Variants in ERBB4 observed in about 807,000 individuals in gnomAD.
The protein encoded by ERBB4 is receptor tyrosine-protein kinase erbB-4.
ERBB4 carries 42 observed loss-of-function variants against 158.0 expected under a neutral mutation model. The ratio of observed to expected loss-of-function variants is 0.27; its 90% confidence interval spans 0.21 to 0.34. The LOEUF (loss-of-function observed/expected upper bound fraction) is 0.34. Ranked by LOEUF, ERBB4 falls within the 10% of genes least tolerant of loss-of-function variation. The probability of loss-of-function intolerance (pLI) is 1.00; values close to 1 mark genes in which losing one functional copy is unlikely to be tolerated. For synonymous variants in ERBB4, 583 were observed against 558.7 expected, an observed-to-expected ratio of 1.04 and a Z score of -0.61; for missense variants, 1,333 against 1,624.1, an observed-to-expected ratio of 0.82 and a Z score of 3.08.
At chr2:211,936,592 G>GAA in intron 3 of ERBB4, among the ~76,000 whole-genome samples, 1 of 152,176 alleles carries the variant, frequency 6.6e-6, no homozygotes, top group Non-Finnish European at 1.5e-5. Context: ...TAGTAAGAGA[G>GAA]CTAGAATAAC....
chr2:211,622,693 T>C, intron 18 of ERBB4, among the ~76,000 whole-genome samples: 1 of 151,682 alleles, frequency 6.6e-6, no homozygotes, highest in Non-Finnish European at 1.5e-5. Context: ...CAGCCGGGCA[T>C]GGTGGCTCAT....
At chr2:211,442,039 C>T (rs1346223037) in intron 20 of ERBB4, among the ~76,000 whole-genome samples, 5 of 152,064 alleles carry the variant, frequency 3.3e-5, no homozygotes, top group African/African-American at 9.7e-5. Flanking sequence ...CACTGAACCA[C>T]GTTTTCACTC....
At chr2:211,909,913 T>G (rs6731736) in intron 3 of ERBB4, among the ~76,000 whole-genome samples, 5,957 of 151,848 alleles carry the variant, frequency 0.039, 225 homozygotes, top group African/African-American at 0.072. Flanking sequence ...TTAAGTTTAA[T>G]AAATTTTTGT....
chr2:211,673,445 C>A (rs925810941), intron 13 of ERBB4, among the ~76,000 whole-genome samples, 188 bp from the exon 14 acceptor site: 1 of 143,982 alleles, frequency 6.9e-6, no homozygotes, highest in Non-Finnish European at 1.5e-5. Context: ...ATGGCTCTCC[C>A]TGTCCTCCAT....
chr2:211,950,803 T>C (rs1223979025), intron 2 of ERBB4, among the ~76,000 whole-genome samples: 1 of 152,096 alleles, frequency 6.6e-6, no homozygotes. Context: ...AGCAGTGATA[T>C]GCATTGTTCG....
chr2:211,387,906 A>T (rs1261568471), intron 26 of ERBB4, 39 bp downstream of exon 26: 1 of 1,526,330 alleles, frequency 6.6e-7, no homozygotes, highest in Admixed American at 1.7e-5. Context: ...GCAAAGACCG[A>T]AAATCCTAAA....
chr2:211,493,010 G>C (rs2065382298), intron 20 of ERBB4, among the ~76,000 whole-genome samples: 1 of 152,082 alleles, frequency 6.6e-6, no homozygotes, highest in Admixed American at 6.6e-5. Flanking sequence ...TGGCACTCAG[G>C]TTTTATATGT....
intron 1 of ERBB4, among the ~76,000 whole-genome samples, chr2:212,171,850 C>T (rs1332868992): frequency 6.6e-6 from 1 of 152,048 alleles, no homozygotes; most frequent in East Asian, 1.9e-4. Flanking sequence ...CTTTATAGCA[C>T]TGTGAAAACA....
chr2:211,420,347 C>T, intron 25 of ERBB4, 94 bp downstream of exon 25: 4 of 877,270 alleles, frequency 4.6e-6, no homozygotes, highest in Non-Finnish European at 3.7e-6. Context: ...TTGATTTGAG[C>T]TATATAATTA....
At chr2:212,505,431 A>AG in intron 1 of ERBB4, among the ~76,000 whole-genome samples, 1 of 124,222 alleles carries the variant, frequency 8.1e-6, no homozygotes, top group Non-Finnish European at 2.0e-5. Context: ...AGTATTAAAC[A>AG]TCAAGTGAGG....
At chr2:211,957,304 C>A (rs2081061100) in intron 2 of ERBB4, among the ~76,000 whole-genome samples, 1 of 152,078 alleles carries the variant, frequency 6.6e-6, no homozygotes, top group Middle Eastern at 3.4e-3. Flanking sequence ...ACAGACATGA[C>A]AAGAAAAAAG....
Position 211,377,426 on chromosome 2 carries a change from T to C in ERBB4, c.*6189A>G, listed in dbSNP as rs765086744. 1.0e-4 allele frequency: 24 copies of C among 232,880 alleles called. No individual in the cohort carries two copies. Among genetic ancestry groups the C allele is most frequent in the Non-Finnish European group, 1.7e-4 (20 of 117,668 alleles). The allele number at this position is 232,880 out of a possible 1,614,324, so 14.4% of individuals were successfully genotyped here. A position where few individuals can be genotyped will look rare whatever the true frequency, so the allele number is the denominator to read the frequency against. Reference sequence around the variant, plus strand: ...ACAAATATAACCACTTCTCATGATATAGGGAAAGCTCACTAGAGCATGAAA... The same window carrying C: ...ACAAATATAACCACTTCTCATGATACAGGGAAAGCTCACTAGAGCATGAAA... On this transcript the variant is annotated 3_prime_UTR_variant, in exon 28 of 28. Coordinates refer to ENST00000342788, the MANE Select transcript of ERBB4 (RefSeq NM_005235.3).
At chr2:212,213,593 T>G (rs2083003381) in intron 1 of ERBB4, among the ~76,000 whole-genome samples, 1 of 151,902 alleles carries the variant, frequency 6.6e-6, no homozygotes, top group Non-Finnish European at 1.5e-5. Flanking sequence ...AATATTTACG[T>G]TTCCCTATGT....
At chr2:211,755,467 A>C (rs1201002015) in intron 4 of ERBB4, among the ~76,000 whole-genome samples, 2 of 152,184 alleles carry the variant, frequency 1.3e-5, no homozygotes, top group African/African-American at 4.8e-5. Context: ...GCTCCACTGC[A>C]CTCCAGCCTG....
intron 1 of ERBB4, among the ~76,000 whole-genome samples, chr2:212,191,553 C>T (rs905676048): frequency 7.7e-6 from 1 of 130,574 alleles, no homozygotes; most frequent in African/African-American, 2.8e-5. Context: ...ATGTGTTATG[C>T]CTGTTATATA....
At chr2:211,726,541 T>C (rs1172028374) in intron 5 of ERBB4, among the ~76,000 whole-genome samples, 1 of 152,222 alleles carries the variant, frequency 6.6e-6, no homozygotes, top group Non-Finnish European at 1.5e-5. Context: ...ATGTATTTTC[T>C]GTCTCCTATC....
intron 3 of ERBB4, among the ~76,000 whole-genome samples, chr2:211,922,559 C>T (rs1223972572): frequency 1.3e-5 from 2 of 151,778 alleles, no homozygotes; most frequent in African/African-American, 2.4e-5. Context: ...GAACAAGGGT[C>T]CCAACCTTTA....
chr2:211,914,929 T>G (rs1559091100), intron 3 of ERBB4, among the ~76,000 whole-genome samples: 1 of 152,138 alleles, frequency 6.6e-6, no homozygotes, highest in South Asian at 2.1e-4. Flanking sequence ...AATATGTACT[T>G]GCTTTCTGCT....
At chr2:211,692,708 A>G (rs528473472) in intron 12 of ERBB4, among the ~76,000 whole-genome samples, 2 of 152,212 alleles carry the variant, frequency 1.3e-5, no homozygotes, top group East Asian at 3.9e-4. Context: ...GACACGTGTG[A>G]TTATATTTGT....
Sources: gnomAD v4.1 joint callset for allele counts (sites outside exome capture counted in the v4.1 genomes callset) on GRCh38, gnomAD v4.1.1 for gene constraint, MANE v1.5 for transcripts, NCBI Gene and HGNC (gene_info 2026-07-23, HGNC 2026-07-21) for gene names.